The following HLCS variants were observed in gnomAD, a reference collection of about 807,000 sequenced individuals.
The protein encoded by HLCS is holocarboxylase synthetase.
A neutral mutation model predicts 75.0 loss-of-function variants in HLCS; 53 were observed. That is an observed-to-expected ratio of 0.71 (90% confidence interval 0.57 to 0.89). The LOEUF (loss-of-function observed/expected upper bound fraction) is 0.89. Among genes scored for constraint, HLCS ranks in the 40% least tolerant of loss-of-function variants. The pLI is 0.00. For missense variants in HLCS, 966 were observed against 1,074.0 expected, an observed-to-expected ratio of 0.90 and a Z score of 1.41; for synonymous variants, 431 against 428.6, an observed-to-expected ratio of 1.01 and a Z score of -0.07.
intron 6 of HLCS, among the ~76,000 whole-genome samples, chr21:36,878,007 GT>G (rs536564053): frequency 2.5e-4 from 36 of 144,126 alleles, no homozygotes; most frequent in East Asian, 6.1e-4. Context: ...TTCAGTACTT[GT>G]TTTTTTTTTT....
chr21:36,954,771 C>CA (rs972856213), intron 2 of HLCS, among the ~76,000 whole-genome samples: 7 of 151,028 alleles, frequency 4.6e-5, no homozygotes, highest in South Asian at 2.1e-4. Flanking sequence ...CAAAACAAAA[C>CA]AAAAAAAACA....
intron 6 of HLCS, chr21:36,804,228 C>G (rs550713488): frequency 6.6e-6 from 1 of 152,302 alleles, no homozygotes; most frequent in African/African-American, 2.4e-5. Flanking sequence ...TTCAATGCAA[C>G]GCTCCCAGCA....
chr21:36,930,250 C>T lies in HLCS; in HGVS notation c.1620+1G>A, dbSNP rs1555951858. On this transcript the variant is annotated splice_donor_variant, in intron 5 of 10. Transcript: ENST00000674895. LOFTEE classifies it high-confidence loss of function. ...TCTGCCCAGCTGAGCCCACAACTCA[C>T]CTCCGCAGCTGACAGCAAGTAAAGA... The T allele has an allele frequency of 6.2e-7, 1 of 1,614,070 alleles. No homozygotes were observed. Among genetic ancestry groups the T allele is most frequent in the Non-Finnish European group, 8.5e-7 (1 of 1,179,904 alleles).
intron 2 of HLCS, among the ~76,000 whole-genome samples, chr21:36,954,095 C>T (rs2067801250): frequency 6.6e-6 from 1 of 152,024 alleles, no homozygotes; most frequent in Non-Finnish European, 1.5e-5. Context: ...CACCTGAGGT[C>T]AAGAGATCGA....
chr21:36,969,616 C>G (rs1042212669), upstream of HLCS: 1 of 150,932 alleles, frequency 6.6e-6, no homozygotes, highest in African/African-American at 2.4e-5. Context: ...GTCTCACTTG[C>G]CCAGGTTGGA....
chr21:36,786,268 G>A (rs2060683693), intron 6 of HLCS, among the ~76,000 whole-genome samples: 1 of 150,532 alleles, frequency 6.6e-6, no homozygotes, highest in Admixed American at 6.6e-5. Flanking sequence ...GTTTATATAT[G>A]CTTTTCTATT....
Position 36,888,446 on chromosome 21 carries a change from ATATATATATAT to A in HLCS, c.1892+8403_1892+8413del, listed in dbSNP as rs1396844605. On this transcript the variant is annotated intron_variant, in intron 6 of 10. Coordinates refer to ENST00000674895, the MANE Select transcript of HLCS (RefSeq NM_001352514.2). ...CCCTTCCCATTTAAAAAAAAAAAAA[ATATATATATAT>A]ATATATATATATATATATATATATA... is the stretch of plus-strand genomic sequence containing the variant. Among the ~76,000 whole-genome samples the A allele has an allele frequency of 4.7e-3, 332 of 70,400 alleles. 23 individuals are homozygous for A. The highest frequency in any genetic ancestry group is 0.01 in the African/African-American group (125 of 12,188). The allele number at this position is 70,400 out of a possible 152,430, so 46.2% of individuals were successfully genotyped here. A position where few individuals can be genotyped will look rare whatever the true frequency, so the allele number is the denominator to read the frequency against.
intron 6 of HLCS, among the ~76,000 whole-genome samples, chr21:36,811,207 T>C (rs2061500322): frequency 1.3e-5 from 2 of 152,332 alleles, no homozygotes; most frequent in South Asian, 4.1e-4. Context: ...ACTGATAACG[T>C]ATCTATTCCT....
At chr21:36,895,727 C>A (rs938497270) in intron 6 of HLCS, among the ~76,000 whole-genome samples, 2 of 152,102 alleles carry the variant, frequency 1.3e-5, no homozygotes, top group Non-Finnish European at 2.9e-5. Flanking sequence ...CCAAAATATT[C>A]CCATACATTG....
Position 36,962,300 on chromosome 21 carries a change from C to T in HLCS, c.196-130G>A, listed in dbSNP as rs1005978446. On this transcript the variant is annotated intron_variant, in intron 1 of 10. Coordinates refer to ENST00000674895, the MANE Select transcript of HLCS (RefSeq NM_001352514.2). ...ATGGAAATAAGCTTATCTGATGCTC[C>T]TCTGCAGGCCGCAGGAACCGTGTGT... 5 of 525,808 alleles carry T rather than the reference C, an allele frequency of 9.5e-6. No individual in the cohort carries two copies. The Admixed American group carries it at 1.4e-4, about 15-fold the overall frequency. 32.6% of individuals were successfully genotyped at this position (525,808 alleles called of 1,614,324 possible).
At position 36,985,798 on chromosome 21, in the gene HLCS, T is replaced by C. The variant is rs2069218102; in HGVS notation, c.-393+4360A>G. The stretch of plus-strand genomic sequence containing the variant: ...AAAAAAAAAAAAGTTAGCCCCATTA[T>C]ATTGCAGCTGGTCCCTCAATTTGTG... On this transcript the variant is annotated intron_variant, in intron 1 of 11. Coordinates refer to the HLCS transcript ENST00000336648. 2.0e-5 allele frequency among the ~76,000 whole-genome samples: 3 copies of C among 151,888 alleles called. No homozygotes were observed. The South Asian group carries it at 6.2e-4, about 32-fold the overall frequency.
chr21:36,805,375 C>T (rs1303624968), intron 6 of HLCS, among the ~76,000 whole-genome samples: 1 of 152,230 alleles, frequency 6.6e-6, no homozygotes, highest in Non-Finnish European at 1.5e-5. Flanking sequence ...TTCCTCCTCC[C>T]AGGCCGCACG....
chr21:36,756,160 C>T lies in HLCS; in HGVS notation c.2450+382G>A, dbSNP rs563522883. ...TCATTTTAAGATACTGAACTACGGC[C>T]GGGCGCGGTGGCTCACACCTGTAAT... On this transcript the variant is annotated intron_variant, in intron 10 of 10. Transcript: ENST00000674895. Among the ~76,000 whole-genome samples the T allele has an allele frequency of 3.0e-4, 46 of 152,124 alleles. No individual in the cohort carries two copies. In the South Asian group the frequency reaches 3.5e-3, roughly 12 times the overall value.
chr21:36,840,163 C>T (rs938614228), intron 6 of HLCS, among the ~76,000 whole-genome samples: 4 of 152,120 alleles, frequency 2.6e-5, no homozygotes, highest in South Asian at 4.1e-4. Context: ...AGCTTTATTG[C>T]TAATTTTTAC....
chr21:36,960,827 G>C (rs1341755631), intron 2 of HLCS, among the ~76,000 whole-genome samples: 1 of 152,166 alleles, frequency 6.6e-6, no homozygotes, highest in African/African-American at 2.4e-5. Context: ...GAGCCTCAGG[G>C]CATGGACTGC....
chr21:36,795,745 G>C (rs2061007906), intron 6 of HLCS, among the ~76,000 whole-genome samples: 1 of 152,176 alleles, frequency 6.6e-6, no homozygotes, highest in Admixed American at 6.5e-5. Flanking sequence ...TTCCCTTTTG[G>C]AGGAACTGAG....
intron 1 of HLCS, among the ~76,000 whole-genome samples, chr21:36,965,098 T>A (rs919600796): frequency 6.6e-6 from 1 of 152,208 alleles, no homozygotes; most frequent in African/African-American, 2.4e-5. Flanking sequence ...TGTGACATAA[T>A]ACATATATGG....
intron 2 of HLCS, chr21:36,947,519 A>T: frequency 2.0e-6 from 2 of 985,454 alleles, no homozygotes; most frequent in Non-Finnish European, 2.4e-6. Context: ...AGATGGAAAC[A>T]AAGGCATGGA....
At chr21:36,956,635 C>A (rs1439430094) in intron 2 of HLCS, among the ~76,000 whole-genome samples, 1 of 152,048 alleles carries the variant, frequency 6.6e-6, no homozygotes, top group African/African-American at 2.4e-5. Flanking sequence ...GAGGCTGAGG[C>A]AGGAGAATGG....
Sources: gnomAD v4.1 joint callset for allele counts (sites outside exome capture counted in the v4.1 genomes callset) on GRCh38, gnomAD v4.1.1 for gene constraint, MANE v1.5 for transcripts, NCBI Gene and HGNC (gene_info 2026-07-23, HGNC 2026-07-21) for gene names.